The following NKAIN3 variants were observed in gnomAD, a reference collection of about 807,000 sequenced individuals.
NKAIN3 encodes the protein sodium/potassium transporting ATPase interacting 3, also known as sodium/potassium-transporting ATPase subunit beta-1-interacting protein 3.
In NKAIN3, 25 loss-of-function variants were observed where a neutral mutation model predicts 30.2. That is an observed-to-expected ratio of 0.83 (90% CI 0.60 to 1.16). The LOEUF (loss-of-function observed/expected upper bound fraction) is 1.16. Ranked by LOEUF, NKAIN3 falls within the 50% of genes most tolerant of loss-of-function variation. The probability of loss-of-function intolerance (pLI) is 0.00; values close to 1 mark genes in which losing one functional copy is unlikely to be tolerated. For missense variants in NKAIN3, 225 were observed against 254.1 expected (o/e 0.89, Z 0.78); for synonymous variants, 91 against 89.6 (o/e 1.02, Z -0.09).
At chr8:62,501,663 A>G (rs1807454280) in intron 1 of NKAIN3, among the ~76,000 whole-genome samples, 1 of 152,178 alleles carries the variant, frequency 6.6e-6, no homozygotes, top group Non-Finnish European at 1.5e-5. Flanking sequence ...TTGACCAAAC[A>G]GCCTGCAATC....
At chr8:62,546,906 A>G (rs1343942452) in intron 1 of NKAIN3, among the ~76,000 whole-genome samples, 2 of 152,188 alleles carry the variant, frequency 1.3e-5, no homozygotes, top group African/African-American at 4.8e-5. Flanking sequence ...GTGCCAAGGT[A>G]GCATATGGTT....
intron 2 of NKAIN3, among the ~76,000 whole-genome samples, chr8:62,583,803 G>A (rs1439953679): frequency 6.6e-6 from 1 of 152,140 alleles, no homozygotes; most frequent in Non-Finnish European, 1.5e-5. Context: ...CCTTTATGAA[G>A]CTCCAGATTA....
At chr8:62,885,537 G>T (rs534468515) in intron 4 of NKAIN3, among the ~76,000 whole-genome samples, 1 of 152,168 alleles carries the variant, frequency 6.6e-6, no homozygotes, top group African/African-American at 2.4e-5. Flanking sequence ...CGTTCTTACT[G>T]ATTTTCTGCC....
chr8:62,624,625 TA>T (rs1811737149), intron 3 of NKAIN3, among the ~76,000 whole-genome samples: 1 of 151,948 alleles, frequency 6.6e-6, no homozygotes, highest in African/African-American at 2.4e-5. Flanking sequence ...GAGCTTCCTG[TA>T]TCTGTGGTTT....
chr8:62,401,465 TTACTGGA>T (rs1803871062), intron 1 of NKAIN3, among the ~76,000 whole-genome samples: 1 of 152,164 alleles, frequency 6.6e-6, no homozygotes, highest in African/African-American at 2.4e-5. Context: ...AATGCATGTT[TTACTGGA>T]TTGTCTTGAT....
chr8:62,987,413 C>A (rs571726767), downstream of NKAIN3, among the ~76,000 whole-genome samples: 1 of 152,064 alleles, frequency 6.6e-6, no homozygotes, highest in Non-Finnish European at 1.5e-5. Context: ...TAATAAAGAC[C>A]TACCTGAGAC....
intron 3 of NKAIN3, among the ~76,000 whole-genome samples, chr8:62,738,205 A>G (rs1563539061): frequency 6.6e-6 from 1 of 152,100 alleles, no homozygotes; most frequent in Non-Finnish European, 1.5e-5. Context: ...AATGATCACC[A>G]TTCTAACTGG....
chr8:62,767,855 CAAA>C (rs1415853281), intron 4 of NKAIN3, among the ~76,000 whole-genome samples: 1 of 150,982 alleles, frequency 6.6e-6, no homozygotes, highest in East Asian at 1.9e-4. Context: ...AAACTTGGTA[CAAA>C]AAAGAAGATA....
chr8:62,424,857 T>G (rs1804756873), intron 1 of NKAIN3, among the ~76,000 whole-genome samples: 1 of 151,836 alleles, frequency 6.6e-6, no homozygotes, highest in African/African-American at 2.4e-5. Flanking sequence ...TTAGTTGCAT[T>G]TACAATAGTC....
chr8:62,434,935 C>A (rs1211929892), intron 1 of NKAIN3, among the ~76,000 whole-genome samples: 2 of 152,048 alleles, frequency 1.3e-5, no homozygotes, highest in African/African-American at 4.8e-5. Context: ...GCTGAAAGAG[C>A]TTTGAGGCAC....
At chr8:62,576,081 A>G (rs1055015720) in intron 1 of NKAIN3, among the ~76,000 whole-genome samples, 2 of 152,126 alleles carry the variant, frequency 1.3e-5, no homozygotes, top group Non-Finnish European at 2.9e-5. Flanking sequence ...AATATCCCAC[A>G]AGCACAGGCA....
chr8:62,621,505 G>A (rs1245799219), intron 3 of NKAIN3, among the ~76,000 whole-genome samples: 3 of 151,766 alleles, frequency 2.0e-5, no homozygotes, highest in African/African-American at 7.3e-5. Flanking sequence ...ATAAATATAT[G>A]CTTTCTTTAA....
rs150545365 is a variant in NKAIN3 at position 62,900,288 on chromosome 8, A to C, written c.472-18165A>C. On this transcript the variant is annotated intron_variant, in intron 4 of 6. Coordinates refer to ENST00000623646, the MANE Select transcript of NKAIN3 (RefSeq NM_001304533.3). ...TAAAAGCTTAAGCCACCATTTAAAAAGTACATAGCATATAGTGAGCAACGT... is the reference window on the plus strand; with the variant it reads ...TAAAAGCTTAAGCCACCATTTAAAACGTACATAGCATATAGTGAGCAACGT... Among the ~76,000 whole-genome samples the C allele has an allele frequency of 4.9e-3, 744 of 152,362 alleles. 8 individuals carry two copies. The highest frequency in any genetic ancestry group is 0.017 in the African/African-American group (716 of 41,588).
intron 3 of NKAIN3, among the ~76,000 whole-genome samples, chr8:62,639,035 C>T (rs1812223862): frequency 6.6e-6 from 1 of 152,154 alleles, no homozygotes. Context: ...ACTCTTCTTA[C>T]ATCTCAAAAT....
At chr8:62,412,787 C>G (rs1305323427) in intron 1 of NKAIN3, among the ~76,000 whole-genome samples, 2 of 151,548 alleles carry the variant, frequency 1.3e-5, no homozygotes, top group African/African-American at 4.8e-5. Flanking sequence ...TGGTGGGTGC[C>G]TGTAGCCCCA....
At chr8:62,593,692 C>A (rs1810729449) in intron 3 of NKAIN3, among the ~76,000 whole-genome samples, 1 of 151,878 alleles carries the variant, frequency 6.6e-6, no homozygotes, top group African/African-American at 2.4e-5. Context: ...AAAAATCTTT[C>A]TACAAAAAAA....
intron 3 of NKAIN3, among the ~76,000 whole-genome samples, chr8:62,692,766 A>G (rs770576705): frequency 3.9e-5 from 6 of 152,292 alleles, no homozygotes; most frequent in African/African-American, 1.2e-4. Flanking sequence ...TTGTTGTTCA[A>G]AAATACCTCC....
At chr8:62,732,848 TTC>T (rs1187169369) in intron 3 of NKAIN3, among the ~76,000 whole-genome samples, 1 of 152,130 alleles carries the variant, frequency 6.6e-6, no homozygotes, top group Non-Finnish European at 1.5e-5. Flanking sequence ...CTTTCAATAC[TTC>T]TGTGTCCAGA....
At chr8:62,885,193 T>G (rs1039559352) in intron 4 of NKAIN3, among the ~76,000 whole-genome samples, 40 of 152,240 alleles carry the variant, frequency 2.6e-4, no homozygotes, top group African/African-American at 8.7e-4. Flanking sequence ...TTATTTTCAT[T>G]TAGTTTGAAA....
Sources: gnomAD v4.1 joint callset for allele counts (sites outside exome capture counted in the v4.1 genomes callset) on GRCh38, gnomAD v4.1.1 for gene constraint, MANE v1.5 for transcripts, NCBI Gene and HGNC (gene_info 2026-07-23, HGNC 2026-07-21) for gene names.